Variants in DACH2 observed in about 807,000 individuals in gnomAD.
DACH2 encodes dachshund family transcription factor 2.
DACH2 carries 17 observed loss-of-function variants against 35.8 expected under a neutral mutation model. The ratio of observed to expected loss-of-function variants is 0.48; its 90% CI spans 0.33 to 0.71. DACH2 has a LOEUF of 0.71. DACH2 is among the 30% of genes least tolerant of loss of function. The pLI, the probability that DACH2 is intolerant of heterozygous loss-of-function variation, is 0.02. For synonymous variants in DACH2, 195 were observed against 177.3 expected, an observed-to-expected ratio of 1.10 and a Z score of -0.79; for missense variants, 469 against 472.7, an observed-to-expected ratio of 0.99 and a Z score of 0.07.
intron 3 of DACH2, among the ~76,000 whole-genome samples, chrX:86,585,180 A>G (rs918309103): frequency 6.3e-5 from 7 of 110,914 alleles, no homozygotes; most frequent in Admixed American, 2.9e-4. Flanking sequence ...CAGTAATGAT[A>G]CTGCTGGGTC....
At chrX:86,612,036 C>T (rs2039952454) in intron 3 of DACH2, among the ~76,000 whole-genome samples, 1 of 107,503 alleles carries the variant, frequency 9.3e-6, no homozygotes. Flanking sequence ...TGCCCAGCCC[C>T]CTCTCTAAAA....
At chrX:86,750,731 C>G (rs1437392180) in intron 7 of DACH2, among the ~76,000 whole-genome samples, 1 of 111,896 alleles carries the variant, frequency 8.9e-6, no homozygotes, top group Admixed American at 9.5e-5. Flanking sequence ...AGCCAAATGT[C>G]CACCAGGTTC....
intron 4 of DACH2, among the ~76,000 whole-genome samples, chrX:86,653,143 G>A (rs6623752): frequency 3.6e-5 from 4 of 110,980 alleles, no homozygotes; most frequent in South Asian, 3.8e-4. Context: ...TTCAGTCTTC[G>A]GCATACAGCT....
intron 1 of DACH2, among the ~76,000 whole-genome samples, chrX:86,222,275 A>G (rs2032729629): frequency 8.9e-6 from 1 of 112,217 alleles, no homozygotes. Flanking sequence ...CTTTCTCTGG[A>G]AAGTATTGCT....
At chrX:86,578,301 G>A (rs2039460074) in intron 3 of DACH2, among the ~76,000 whole-genome samples, 1 of 106,166 alleles carries the variant, frequency 9.4e-6, no homozygotes, top group Admixed American at 1.0e-4. Flanking sequence ...TCATTGTTGT[G>A]TGGTGTGAGA....
At chrX:86,348,669 A>T (rs1448395886) in intron 1 of DACH2, among the ~76,000 whole-genome samples, 1 of 112,526 alleles carries the variant, frequency 8.9e-6, no homozygotes, top group Non-Finnish European at 1.9e-5. Context: ...CAAAATGGAA[A>T]AAAAGGAACA....
chrX:86,291,156 A>G (rs765986324), intron 1 of DACH2, among the ~76,000 whole-genome samples: 25 of 107,687 alleles, frequency 2.3e-4, no homozygotes, highest in African/African-American at 7.9e-4. Flanking sequence ...TGTATGTTGG[A>G]TTCCTAGGTA....
At chrX:86,487,502 ATATT>A (rs1238851575) in intron 2 of DACH2, among the ~76,000 whole-genome samples, 2 of 111,709 alleles carry the variant, frequency 1.8e-5, no homozygotes, top group African/African-American at 6.5e-5. Context: ...TGGTCAGTAA[ATATT>A]TATTTAATTT....
intron 3 of DACH2, among the ~76,000 whole-genome samples, chrX:86,615,880 G>C (rs1295211170): frequency 9.0e-6 from 1 of 110,533 alleles, no homozygotes; most frequent in Non-Finnish European, 1.9e-5. Flanking sequence ...CAGGTACTAA[G>C]CATAGTATCC....
At chrX:86,517,403 G>A (rs373804022) in intron 3 of DACH2, among the ~76,000 whole-genome samples, 9 of 107,554 alleles carry the variant, frequency 8.4e-5, no homozygotes, top group East Asian at 5.8e-4. Context: ...GTGTCTGCTC[G>A]TGTCCTTTGC....
chrX:86,745,993 T>C (rs1011318497), intron 7 of DACH2, among the ~76,000 whole-genome samples: 5 of 111,775 alleles, frequency 4.5e-5, no homozygotes, highest in African/African-American at 1.3e-4. Flanking sequence ...ATCAATGATA[T>C]TGAACATTTT....
At chrX:86,325,752 A>T (rs1192624857) in intron 1 of DACH2, among the ~76,000 whole-genome samples, 2 of 111,673 alleles carry the variant, frequency 1.8e-5, no homozygotes, top group African/African-American at 6.5e-5. Flanking sequence ...GAGTGTTGTT[A>T]TATTTATGTA....
At chrX:86,239,846 T>G (rs1464966861) in intron 1 of DACH2, among the ~76,000 whole-genome samples, 1 of 111,818 alleles carries the variant, frequency 8.9e-6, no homozygotes, top group Non-Finnish European at 1.9e-5. Context: ...ACACTTGGTG[T>G]TATATATCTT....
intron 2 of DACH2, among the ~76,000 whole-genome samples, chrX:86,450,232 C>A (rs1004115644): frequency 1.0e-4 from 11 of 110,381 alleles, no homozygotes; most frequent in African/African-American, 3.3e-4. Flanking sequence ...CCTCCATGAC[C>A]CCCAACAACA....
At chrX:86,459,051 A>T (rs1183435680) in intron 2 of DACH2, among the ~76,000 whole-genome samples, 1 of 112,004 alleles carries the variant, frequency 8.9e-6, no homozygotes, top group African/African-American at 3.2e-5. Context: ...GAAAAAATAG[A>T]GATTAAACTA....
At chrX:86,513,149 A>T (rs2038418715) in intron 2 of DACH2, among the ~76,000 whole-genome samples, 1 of 111,939 alleles carries the variant, frequency 8.9e-6, no homozygotes, top group African/African-American at 3.2e-5. Context: ...TGCTACTGCA[A>T]AGTTGATAGA....
intron 2 of DACH2, among the ~76,000 whole-genome samples, chrX:86,512,317 A>G (rs1413786808): frequency 9.1e-6 from 1 of 110,466 alleles, no homozygotes; most frequent in African/African-American, 3.3e-5. Flanking sequence ...TTTTTTTCAA[A>G]TCTTCACCTT....
At chrX:86,693,021 T>A (rs1216671874) in intron 4 of DACH2, among the ~76,000 whole-genome samples, 1 of 112,511 alleles carries the variant, frequency 8.9e-6, no homozygotes, top group Non-Finnish European at 1.9e-5. Context: ...TTGTTAACAC[T>A]AAAATATGTC....
intron 4 of DACH2, among the ~76,000 whole-genome samples, chrX:86,653,050 T>G (rs774659953): frequency 1.8e-5 from 2 of 112,085 alleles, no homozygotes; most frequent in South Asian, 7.4e-4. Context: ...TCTCCAAAGG[T>G]TTTTACAATT....
Sources: gnomAD v4.1 joint callset for allele counts (sites outside exome capture counted in the v4.1 genomes callset) on GRCh38, gnomAD v4.1.1 for gene constraint, MANE v1.5 for transcripts, NCBI Gene and HGNC (gene_info 2026-07-23, HGNC 2026-07-21) for gene names.